Variants in PRKACB observed in about 807,000 individuals in gnomAD.
PRKACB encodes the protein protein kinase cAMP-activated catalytic subunit beta.
Under a neutral mutation model 51.4 loss-of-function variants are expected in PRKACB, and 16 were observed. The ratio of observed to expected loss-of-function variants is 0.31; its 90% CI spans 0.21 to 0.47. The LOEUF (loss-of-function observed/expected upper bound fraction) is 0.47. Among genes scored for constraint, PRKACB ranks in the 20% least tolerant of loss-of-function variants. PRKACB has a pLI of 1.00. For synonymous variants in PRKACB, 147 were observed against 154.4 expected (o/e 0.95, Z 0.35); for missense variants, 309 against 464.5 (o/e 0.67, Z 3.08).
At chr1:84,194,885 C>A (rs965325302) in intron 5 of PRKACB, among the ~76,000 whole-genome samples, 1 of 151,952 alleles carries the variant, frequency 6.6e-6, no homozygotes, top group Non-Finnish European at 1.5e-5. Context: ...CTGCAGTGAT[C>A]ATGCTACAGC....
intron 7 of PRKACB, among the ~76,000 whole-genome samples, chr1:84,200,887 G>T (rs1035061529): frequency 6.6e-6 from 1 of 151,962 alleles, no homozygotes; most frequent in Non-Finnish European, 1.5e-5. Context: ...ATAATAACAA[G>T]CATGCAAACA....
chr1:84,204,774 A>G (rs3768258), intron 8 of PRKACB: 466,995 of 891,526 alleles, frequency 0.52, 127,178 homozygotes, highest in Non-Finnish European at 0.56. Flanking sequence ...AAGAAATCCA[A>G]TTTTCTAACA....
chr1:84,195,624 A>G (rs908309643), intron 5 of PRKACB, among the ~76,000 whole-genome samples: 1 of 152,140 alleles, frequency 6.6e-6, no homozygotes, highest in Non-Finnish European at 1.5e-5. Flanking sequence ...ATATACATAA[A>G]AGAACTAGCT....
At chr1:84,135,452 T>C (rs1652704478) in intron 1 of PRKACB, among the ~76,000 whole-genome samples, 1 of 152,176 alleles carries the variant, frequency 6.6e-6, no homozygotes, top group African/African-American at 2.4e-5. Context: ...CATTAAATGC[T>C]CCATTTAACA....
intron 5 of PRKACB, among the ~76,000 whole-genome samples, chr1:84,195,779 G>A (rs767704540): frequency 6.6e-6 from 1 of 152,002 alleles, no homozygotes; most frequent in African/African-American, 2.4e-5. Context: ...CGGGCATGGT[G>A]GTGGGCGCTT....
intron 1 of PRKACB, among the ~76,000 whole-genome samples, chr1:84,133,374 A>G (rs1179555696): frequency 6.6e-6 from 1 of 152,370 alleles, no homozygotes; most frequent in East Asian, 1.9e-4. Context: ...CCTGAAACTC[A>G]GATCTACATA....
intron 3 of PRKACB, 38 bp from the exon 4 acceptor site, chr1:84,183,999 C>T: frequency 1.3e-6 from 2 of 1,495,834 alleles, no homozygotes; most frequent in Non-Finnish European, 1.8e-6. Context: ...TTTAATTTTG[C>T]TTAAATACAT....
At chr1:84,165,623 C>T (rs1558066155) in intron 1 of PRKACB, among the ~76,000 whole-genome samples, 1 of 151,668 alleles carries the variant, frequency 6.6e-6, no homozygotes, top group South Asian at 2.1e-4. Flanking sequence ...ACACTTGTGA[C>T]AACTAGTCTT....
intron 1 of PRKACB, among the ~76,000 whole-genome samples, chr1:84,157,070 C>A (rs568023203): frequency 6.6e-6 from 1 of 152,292 alleles, no homozygotes; most frequent in East Asian, 1.9e-4. Context: ...TCACTAAAAT[C>A]TATGAAAGAG....
intron 8 of PRKACB, among the ~76,000 whole-genome samples, chr1:84,212,912 C>G (rs1672341122): frequency 6.6e-6 from 1 of 151,908 alleles, no homozygotes; most frequent in South Asian, 2.1e-4. Flanking sequence ...CTGGGGGAGA[C>G]AGAAATATGC....
intron 1 of PRKACB, among the ~76,000 whole-genome samples, chr1:84,136,431 G>C (rs1240203950): frequency 6.6e-6 from 1 of 150,992 alleles, no homozygotes; most frequent in African/African-American, 2.4e-5. Context: ...AATATTATTT[G>C]TCAAATTGCA....
chr1:84,195,313 T>G (rs569781957), intron 5 of PRKACB, among the ~76,000 whole-genome samples: 323 of 152,306 alleles, frequency 2.1e-3, no homozygotes, highest in African/African-American at 7.2e-3. Context: ...CAACAAATAT[T>G]TACTGAGCAC....
At chr1:84,217,479 A>G (rs187711074) in intron 9 of PRKACB, among the ~76,000 whole-genome samples, 1 of 152,184 alleles carries the variant, frequency 6.6e-6, no homozygotes, top group Non-Finnish European at 1.5e-5. Context: ...CATCTGAGTG[A>G]CTTACTGCCA....
At chr1:84,105,532 C>T (rs1260115730) in intron 1 of PRKACB, among the ~76,000 whole-genome samples, 1 of 151,024 alleles carries the variant, frequency 6.6e-6, no homozygotes, top group East Asian at 1.9e-4. Flanking sequence ...TTACAGATAA[C>T]CACTGTTAGC....
At chr1:84,219,675 C>A (rs537484688) in intron 9 of PRKACB, among the ~76,000 whole-genome samples, 1 of 150,740 alleles carries the variant, frequency 6.6e-6, no homozygotes, top group African/African-American at 2.4e-5. Context: ...ATATGGATAT[C>A]CAGTTTTTCC....
At chr1:84,175,677 G>C (rs535114680) in intron 1 of PRKACB, 2 of 752,096 alleles carry the variant, frequency 2.7e-6, no homozygotes, top group Non-Finnish European at 4.1e-6. Flanking sequence ...TTTGAGGGGG[G>C]ATAAGAAGTA....
chr1:84,181,092 C>A (rs999009195), intron 2 of PRKACB, among the ~76,000 whole-genome samples: 1 of 151,868 alleles, frequency 6.6e-6, no homozygotes, highest in African/African-American at 2.4e-5. Context: ...ATGATGAAAA[C>A]AAGCTATAAG....
At chr1:84,112,600 A>G (rs1401143954) in intron 1 of PRKACB, among the ~76,000 whole-genome samples, 6 of 152,146 alleles carry the variant, frequency 3.9e-5, no homozygotes, top group Non-Finnish European at 5.9e-5. Flanking sequence ...CAGTCTTCTC[A>G]TCCATTCCAT....
At chr1:84,215,442 C>G (rs1266093941) in intron 9 of PRKACB, among the ~76,000 whole-genome samples, 1 of 152,108 alleles carries the variant, frequency 6.6e-6, no homozygotes, top group Non-Finnish European at 1.5e-5. Context: ...TTCAGAATAA[C>G]TTTGCACCTG....
Sources: allele counts gnomAD v4.1 joint callset (sites outside exome capture counted in the v4.1 genomes callset), GRCh38; gene constraint gnomAD v4.1.1; transcripts MANE v1.5; gene names NCBI Gene and HGNC (gene_info 2026-07-23, HGNC 2026-07-21).